Variants in RFFL observed in about 807,000 individuals in gnomAD.
RFFL encodes the protein ring finger and FYVE like domain containing E3 ubiquitin protein ligase, also known as E3 ubiquitin-protein ligase rififylin.
RFFL carries 16 observed loss-of-function variants against 40.4 expected under a neutral mutation model. That is an observed-to-expected ratio of 0.40 (90% confidence interval 0.27 to 0.60). RFFL has a LOEUF of 0.60. RFFL is among the 20% of genes least tolerant of loss of function. The pLI is 0.47. For missense variants in RFFL, 367 were observed against 451.7 expected (o/e 0.81, Z 1.70); for synonymous variants, 154 against 167.9 (o/e 0.92, Z 0.64).
chr17:35,063,455 C>CAAAAAAAAAAAA (rs36055947), intron 1 of RFFL, 121 bp downstream of exon 1: 4 of 46,904 alleles, frequency 8.5e-5, no homozygotes, highest in African/African-American at 4.0e-4. Context: ...AACTCCGTCT[C>CAAAAAAAAAAAA]AAAAAAAAAA....
At chr17:35,054,896 G>A (rs1031498739) in intron 1 of RFFL, among the ~76,000 whole-genome samples, 6 of 151,450 alleles carry the variant, frequency 4.0e-5, no homozygotes, top group Non-Finnish European at 8.8e-5. Flanking sequence ...TAGAGTAGGT[G>A]CTTAGTAAAC....
chr17:35,041,396 T>C (rs11658833), intron 1 of RFFL, among the ~76,000 whole-genome samples: 6 of 152,108 alleles, frequency 3.9e-5, no homozygotes, highest in Non-Finnish European at 5.9e-5. Context: ...TCATGTTAAC[T>C]CTTTGTACAT....
chr17:35,065,042 T>C (rs1294306252), upstream of RFFL, among the ~76,000 whole-genome samples: 1 of 152,162 alleles, frequency 6.6e-6, no homozygotes, highest in Non-Finnish European at 1.5e-5. Flanking sequence ...AGTTTCCCTA[T>C]AGTACATGTT....
At chr17:35,040,254 G>A (rs1340287068) in intron 1 of RFFL, among the ~76,000 whole-genome samples, 1 of 152,072 alleles carries the variant, frequency 6.6e-6, no homozygotes. Flanking sequence ...TAAATGTTGT[G>A]AGTGTCCAGG....
chr17:35,050,081 C>CAAA (rs35308985), intron 1 of RFFL, among the ~76,000 whole-genome samples: 10 of 116,528 alleles, frequency 8.6e-5, no homozygotes, highest in African/African-American at 2.1e-4. Flanking sequence ...GACTCCATCT[C>CAAA]AAAAAAAAAA....
intron 1 of RFFL, chr17:35,069,465 C>G: frequency 2.7e-6 from 1 of 375,910 alleles, no homozygotes; most frequent in South Asian, 2.0e-5. Context: ...AATGTCCCAT[C>G]AAGGTAATCA....
intron 1 of RFFL, among the ~76,000 whole-genome samples, chr17:35,082,105 T>C (rs2142387474): frequency 6.6e-6 from 1 of 152,302 alleles, no homozygotes; most frequent in East Asian, 1.9e-4. Context: ...TAAGCTGGTA[T>C]TGTACTAATC....
At chr17:35,052,726 T>C (rs759449760) in intron 1 of RFFL, among the ~76,000 whole-genome samples, 2 of 152,206 alleles carry the variant, frequency 1.3e-5, no homozygotes, top group Non-Finnish European at 2.9e-5. Flanking sequence ...CTGAACTAGA[T>C]ACTAGGAGAA....
At chr17:35,062,406 GA>G (rs796104772) in intron 1 of RFFL, among the ~76,000 whole-genome samples, 4 of 146,898 alleles carry the variant, frequency 2.7e-5, no homozygotes, top group African/African-American at 7.5e-5. Context: ...CCTCTCAGAA[GA>G]AAAAAAAAAG....
intron 1 of RFFL, among the ~76,000 whole-genome samples, chr17:35,079,195 GT>G (rs1172450916): frequency 1.3e-4 from 20 of 152,036 alleles, no homozygotes; most frequent in African/African-American, 4.6e-4. Flanking sequence ...GCAAATTTTT[GT>G]ATTTTTAGTA....
At chr17:35,076,041 T>C (rs2091374579) in intron 1 of RFFL, among the ~76,000 whole-genome samples, 1 of 140,748 alleles carries the variant, frequency 7.1e-6, no homozygotes, top group Non-Finnish European at 1.5e-5. Flanking sequence ...TCTCCCAGGC[T>C]GGAGGGCAGT....
intron 1 of RFFL, among the ~76,000 whole-genome samples, chr17:35,044,743 G>T (rs2091187476): frequency 6.6e-6 from 1 of 152,102 alleles, no homozygotes; most frequent in Non-Finnish European, 1.5e-5. Context: ...GGTTATTTTG[G>T]CTTTAGGAAT....
chr17:35,016,274 A>G (rs1258595156), intron 5 of RFFL, 96 bp downstream of exon 5: 1 of 1,064,668 alleles, frequency 9.4e-7, no homozygotes, highest in East Asian at 2.4e-5. Context: ...TCCATGGCTT[A>G]AGTGTGGAAA....
intron 2 of RFFL, among the ~76,000 whole-genome samples, chr17:35,023,205 GA>G (rs1193139039): frequency 1.3e-5 from 2 of 152,218 alleles, no homozygotes. Flanking sequence ...TCGAAATATA[GA>G]AAGATATTCA....
chr17:35,088,908 C>T (rs1482691976), intron 1 of RFFL: 2 of 152,430 alleles, frequency 1.3e-5, no homozygotes, highest in Non-Finnish European at 2.9e-5. Context: ...CAGGTGTGGG[C>T]TGCCCTGAAG....
At chr17:35,073,651 C>A (rs2091361965) in intron 1 of RFFL, among the ~76,000 whole-genome samples, 1 of 152,108 alleles carries the variant, frequency 6.6e-6, no homozygotes, top group Admixed American at 6.5e-5. Context: ...GGTATATCAC[C>A]ATTTACTCCA....
intron 1 of RFFL, among the ~76,000 whole-genome samples, chr17:35,039,861 G>C (rs922135601): frequency 6.6e-6 from 1 of 151,910 alleles, no homozygotes; most frequent in Non-Finnish European, 1.5e-5. Context: ...ATTTTTAGTA[G>C]AGACGGCTTC....
At chr17:35,012,894 T>C (rs1299399316) in intron 6 of RFFL, among the ~76,000 whole-genome samples, 1 of 152,266 alleles carries the variant, frequency 6.6e-6, no homozygotes, top group East Asian at 1.9e-4. Context: ...ATTATATGCT[T>C]AGCATTTATT....
rs1597808581 is a variant in RFFL, at chr17:35,009,742, T to C, written c.*2226A>G. 1 of 152,406 alleles carries C rather than the reference T, an allele frequency of 6.6e-6. No individual in the cohort carries two copies. Among genetic ancestry groups the C allele is most frequent in the Admixed American group, 6.5e-5 (1 of 15,280 alleles). The allele number at this position is 152,406 out of a possible 1,614,324, so 9.4% of individuals were successfully genotyped here. On this transcript the variant is annotated 3_prime_UTR_variant, in exon 7 of 7. Coordinates refer to ENST00000394597, the MANE Select transcript of RFFL (RefSeq NM_001017368.2). ...CAGCTATCAGTATATTATTTTCGATTTGTGTCTAGGAGGGAAACTGAAGAG... is the reference window on the plus strand; with the variant it reads ...CAGCTATCAGTATATTATTTTCGATCTGTGTCTAGGAGGGAAACTGAAGAG...
Sources: allele counts gnomAD v4.1 joint callset (sites outside exome capture counted in the v4.1 genomes callset), GRCh38; gene constraint gnomAD v4.1.1; transcripts MANE v1.5; gene names NCBI Gene and HGNC (gene_info 2026-07-23, HGNC 2026-07-21).